RGP1: variants seen among roughly 807,000 people sequenced by gnomAD.
RGP1 encodes RAB6A-GEF complex partner protein 2.
In RGP1, 28 loss-of-function variants were observed where a neutral mutation model predicts 44.5. That is an observed-to-expected ratio of 0.63 (90% CI 0.47 to 0.86). The LOEUF is 0.86. Among genes scored for constraint, RGP1 ranks in the 40% least tolerant of loss-of-function variants. The pLI is 0.00. For synonymous variants in RGP1, 212 were observed against 196.7 expected (o/e 1.08, Z -0.65); for missense variants, 417 against 490.7 (o/e 0.85, Z 1.42).
rs534787547 is a variant in RGP1 at position 35,749,649 on chromosome 9, C to T, written c.-19-88C>T. 4.8e-4 allele frequency: 379 copies of T among 796,914 alleles called. 1 individual carries two copies. In the African/African-American group the frequency reaches 5.6e-3, roughly 12 times the overall value. 49.4% of individuals were successfully genotyped at this position (796,914 alleles called of 1,614,324 possible). On this transcript the variant is annotated intron_variant, in intron 1 of 8. Coordinates refer to ENST00000378078, the MANE Select transcript of RGP1 (RefSeq NM_001080496.3). This position sits in a 1 kb window ranked among gnomAD's most constrained non-coding sequence, Gnocchi z 4.4. ...CTCGGGCACCACGGTGCTGACCACC[C>T]CTGTCCTCAGCCCTCAGCCCTAGGT...
At chr9:35,759,567 CAAAAAAAAAAAAAAAA>C (rs57938702), downstream of RGP1, among the ~76,000 whole-genome samples, 2 of 38,280 alleles carry the variant, frequency 5.2e-5, no homozygotes, top group African/African-American at 2.0e-4. Context: ...ACCCTGTCTC[CAAAAAAAAAAAAAAAA>C]AAAAAAAAAA....
the RGP1 span, among the ~76,000 whole-genome samples, chr9:35,779,728 GT>G: frequency 2.6e-5 from 4 of 152,150 alleles, no homozygotes; most frequent in Non-Finnish European, 4.4e-5. Context: ...TCACATAACT[GT>G]CTCATAAGAG....
At chr9:35,771,179 T>A in the RGP1 span, among the ~76,000 whole-genome samples, 1 of 152,166 alleles carries the variant, frequency 6.6e-6, no homozygotes, top group South Asian at 2.1e-4. Flanking sequence ...GAGGAGTAAC[T>A]TCCGTAACAA....
At chr9:35,762,937 G>A (rs1287317637), downstream of RGP1, among the ~76,000 whole-genome samples, 3 of 147,596 alleles carry the variant, frequency 2.0e-5, no homozygotes, top group East Asian at 4.3e-4. Flanking sequence ...AGATACGGAA[G>A]AAGTGTCTTG....
chr9:35,764,009 C>A, the RGP1 span, among the ~76,000 whole-genome samples: 1 of 150,998 alleles, frequency 6.6e-6, no homozygotes, highest in African/African-American at 2.4e-5. Context: ...CCTTTTTTTA[C>A]TCAGGAGGCT....
At chr9:35,789,023 C>T in the RGP1 span, among the ~76,000 whole-genome samples, 562 of 152,000 alleles carry the variant, frequency 3.7e-3, 2 homozygotes, top group Middle Eastern at 0.024. Context: ...GTTTTCTTTT[C>T]CTTTCTTTCT....
chr9:35,751,000 G>A lies in RGP1; in HGVS notation c.487+11G>A, dbSNP rs768778289. 6.8e-6 allele frequency: 11 copies of A among 1,612,938 alleles called. No individual in the cohort carries two copies. The highest frequency in any genetic ancestry group is 1.7e-4 in the Middle Eastern group (1 of 6,060). Reference sequence around the variant, plus strand: ...TTCTTGTGCTGACTGGTAAGCAAGGGCTCCTGGAGGGAAGGGCTGGGGAAG... The same window carrying A: ...TTCTTGTGCTGACTGGTAAGCAAGGACTCCTGGAGGGAAGGGCTGGGGAAG... On this transcript the variant is annotated intron_variant, in intron 5 of 8. Transcript: ENST00000378078.
Position 35,757,833 on chromosome 9 carries a change from G to T in RGP1, c.*4959G>T, listed in dbSNP as rs1035935966. 2 of 152,146 alleles carry T rather than the reference G, an allele frequency of 1.3e-5. No homozygotes were observed. Among genetic ancestry groups the T allele is most frequent in the African/African-American group, 4.8e-5 (2 of 41,428 alleles). 9.4% of individuals were successfully genotyped at this position (152,146 alleles called of 1,614,324 possible). ...CATTCAGCCTTTGCCAAAAAATTTG[G>T]CACTGATCTGCACATTTTTATAGTC... is the stretch of plus-strand genomic sequence containing the variant. On this transcript the variant is annotated 3_prime_UTR_variant, in exon 9 of 9. Transcript: ENST00000378078.
chr9:35,770,058 A>G, the RGP1 span, among the ~76,000 whole-genome samples: 1 of 152,136 alleles, frequency 6.6e-6, no homozygotes, highest in African/African-American at 2.4e-5. Context: ...GTGGATCAAC[A>G]CTAGATGCTG....
chr9:35,775,872 AC>A, the RGP1 span, among the ~76,000 whole-genome samples: 1 of 152,206 alleles, frequency 6.6e-6, no homozygotes, highest in Non-Finnish European at 1.5e-5. Context: ...CCTAATAATT[AC>A]CATAATAATG....
chr9:35,775,551 T>C, the RGP1 span, among the ~76,000 whole-genome samples: 2 of 152,166 alleles, frequency 1.3e-5, no homozygotes, highest in Non-Finnish European at 2.9e-5. Context: ...CAGGAAGCCA[T>C]CTGTGGAGGG....
chr9:35,778,642 G>A, the RGP1 span, among the ~76,000 whole-genome samples: 1 of 152,216 alleles, frequency 6.6e-6, no homozygotes, highest in East Asian at 1.9e-4. Context: ...TAAATGTCCA[G>A]CCTTCCTTTT....
chr9:35,771,971 G>T, the RGP1 span, among the ~76,000 whole-genome samples: 1 of 152,120 alleles, frequency 6.6e-6, no homozygotes, highest in African/African-American at 2.4e-5. Flanking sequence ...TTTGCTTTTG[G>T]GGGAGGGGAG....
At chr9:35,789,104 G>A in the RGP1 span, among the ~76,000 whole-genome samples, 180 of 144,542 alleles carry the variant, frequency 1.2e-3, no homozygotes, top group African/African-American at 4.6e-3. Context: ...TGCAATGTCC[G>A]CCTCCCAGAT....
the RGP1 span, among the ~76,000 whole-genome samples, chr9:35,775,054 T>C: frequency 6.6e-6 from 1 of 152,244 alleles, no homozygotes; most frequent in Admixed American, 6.5e-5. Context: ...GTTCTGTCTC[T>C]TCACTCCTCT....
In RGP1 at chr9:35,752,527, C is replaced by T. The variant is rs145466115; in HGVS notation, c.953-124C>T. ...AAACCCTTAATCACAGCTCCCTGCC[C>T]TGTGACTTTTCCCTGTCTTCCTGAA... On this transcript the variant is annotated intron_variant, in intron 8 of 8. Transcript: ENST00000378078. 114 of 867,848 alleles carry T rather than the reference C, an allele frequency of 1.3e-4. 1 individual carries two copies. In the African/African-American group the frequency reaches 1.8e-3, roughly 13 times the overall value. The allele number at this position is 867,848 out of a possible 1,614,324, so 53.8% of individuals were successfully genotyped here.
chr9:35,750,873 C>T lies in RGP1; in HGVS notation c.371C>T (p.Pro124Leu), dbSNP rs1827246304. ...SYSEVLPIEG[P>L]PSFRGQSVKY... ...AGTGAAGTGCTGCCCATAGAGGGAC[C>T]ACCCTCCTTTCGGGGTCAGTCAGTC... Residue 124 changes from proline (P) to leucine (L), a missense_variant, in exon 5 of 9, where the codon CCA (proline) becomes CTA (leucine). Transcript: ENST00000378078. 1.9e-6 allele frequency: 3 copies of T among 1,613,980 alleles called. No individual in the cohort carries two copies. The highest frequency in any genetic ancestry group is 2.5e-6 in the Non-Finnish European group (3 of 1,179,878).
intron 8 of RGP1, 52 bp downstream of exon 8, chr9:35,752,197 T>G: frequency 2.0e-6 from 3 of 1,477,212 alleles, no homozygotes; most frequent in Non-Finnish European, 2.7e-6. Flanking sequence ...TAAAATGCTG[T>G]GCTAAGGGAG....
chr9:35,750,320 C>T lies in RGP1; in HGVS notation c.194C>T (p.Pro65Leu), dbSNP rs1827220974. The T allele has an allele frequency of 5.6e-6, 9 of 1,613,960 alleles. No homozygotes were observed. The highest frequency in any genetic ancestry group is 7.6e-6 in the Non-Finnish European group (9 of 1,179,862). The change falls in exon 3 of 9, where the codon CCT (proline) becomes CTT (leucine). Residue 65 changes from proline (P) to leucine (L), a missense_variant. By Grantham distance (98) the Pro-to-Leu change is moderately conservative. Transcript: ENST00000378078. ...ASESRVALPP[P>L]DSSQPDVQPD... is the part of the protein sequence containing the mutation. ...GAGAGTCGAGTAGCACTGCCTCCTC[C>T]TGACTCTAGTCAGCCAGATGTCCAG... is the stretch of plus-strand genomic sequence containing the variant.
Sources: allele counts gnomAD v4.1 joint callset (sites outside exome capture counted in the v4.1 genomes callset), GRCh38; gene constraint gnomAD v4.1.1; non-coding constraint Gnocchi (gnomAD v3.1); transcripts MANE v1.5; gene names NCBI Gene and HGNC (gene_info 2026-07-23, HGNC 2026-07-21).